Variants in CERS6 observed in about 807,000 individuals in gnomAD.
CERS6 encodes ceramide synthase 6.
Under a neutral mutation model 56.8 loss-of-function variants are expected in CERS6, and 26 were observed. The observed-to-expected ratio is 0.46, with a 90% CI of 0.34 to 0.63. The LOEUF is 0.63. Among genes scored for constraint, CERS6 ranks in the 30% least tolerant of loss-of-function variants. CERS6 has a pLI of 0.01. For missense variants in CERS6, 415 were observed against 467.5 expected, an observed-to-expected ratio of 0.89 and a Z score of 1.04; for synonymous variants, 164 against 173.3, an observed-to-expected ratio of 0.95 and a Z score of 0.42.
Position 168,770,598 on chromosome 2 carries a change from G to T in CERS6, c.*936G>T, listed in dbSNP as rs1430084034. 1 of 152,570 alleles carries T rather than the reference G, an allele frequency of 6.6e-6. No homozygotes were observed. Among genetic ancestry groups the T allele is most frequent in the Non-Finnish European group, 1.5e-5 (1 of 68,032 alleles). The allele number at this position is 152,570 out of a possible 1,614,324, so 9.5% of individuals were successfully genotyped here. Reference sequence around the variant, plus strand: ...GTGCAGTCTTATGTTATAAAAGAAAGAAGTTAACTATATTTGGGGACAAAA... The same window carrying T: ...GTGCAGTCTTATGTTATAAAAGAAATAAGTTAACTATATTTGGGGACAAAA... On this transcript the variant is annotated 3_prime_UTR_variant, in exon 10 of 10. Transcript: ENST00000305747.
intron 4 of CERS6, among the ~76,000 whole-genome samples, chr2:168,645,725 G>T (rs1157276748): frequency 6.6e-6 from 1 of 151,950 alleles, no homozygotes. Flanking sequence ...ACTGTCTGTT[G>T]TTTCCTTCCT....
At chr2:168,761,834 T>C (rs1684590091) in intron 8 of CERS6, among the ~76,000 whole-genome samples, 1 of 152,170 alleles carries the variant, frequency 6.6e-6, no homozygotes, top group Non-Finnish European at 1.5e-5. Context: ...AAGGCAGGAA[T>C]ATAGGCATTA....
At chr2:168,575,740 G>A (rs1011592988) in intron 3 of CERS6, among the ~76,000 whole-genome samples, 9 of 152,112 alleles carry the variant, frequency 5.9e-5, no homozygotes, top group Non-Finnish European at 8.8e-5. Context: ...AGAATTTTAT[G>A]AGAATTTATA....
intron 3 of CERS6, among the ~76,000 whole-genome samples, chr2:168,588,623 A>G (rs906361265): frequency 6.6e-6 from 1 of 152,166 alleles, no homozygotes; most frequent in African/African-American, 2.4e-5. Flanking sequence ...GTATGTATAT[A>G]CCACATTTTG....
intron 8 of CERS6, among the ~76,000 whole-genome samples, chr2:168,722,943 C>T (rs1683222536): frequency 6.6e-6 from 1 of 151,642 alleles, no homozygotes; most frequent in East Asian, 1.9e-4. Context: ...AATGCCTGGC[C>T]TTGCTGTTCC....
intron 4 of CERS6, among the ~76,000 whole-genome samples, chr2:168,667,169 G>T (rs941903529): frequency 5.3e-5 from 8 of 152,146 alleles, no homozygotes; most frequent in Admixed American, 3.3e-4. Context: ...GGGATTTTCT[G>T]TGTTTAACAG....
At chr2:168,547,857 C>G (rs974407810) in intron 2 of CERS6, among the ~76,000 whole-genome samples, 156 bp downstream of exon 2, 1 of 152,158 alleles carries the variant, frequency 6.6e-6, no homozygotes, top group East Asian at 1.9e-4. Context: ...GTAGTAGAAG[C>G]GGAATGAAGA....
At chr2:168,473,725 G>GA (rs1454953957) in intron 1 of CERS6, among the ~76,000 whole-genome samples, 1 of 151,034 alleles carries the variant, frequency 6.6e-6, no homozygotes, top group African/African-American at 2.4e-5. Flanking sequence ...CCCCATACAC[G>GA]AAAAAAATAA....
chr2:168,519,181 A>G (rs1414895252), intron 1 of CERS6, among the ~76,000 whole-genome samples: 1 of 152,194 alleles, frequency 6.6e-6, no homozygotes, highest in Non-Finnish European at 1.5e-5. Context: ...GCTGGTTGAT[A>G]TTCCTTAGAA....
intron 1 of CERS6, among the ~76,000 whole-genome samples, chr2:168,546,632 T>C (rs780801852): frequency 1.3e-5 from 2 of 152,208 alleles, no homozygotes; most frequent in Non-Finnish European, 2.9e-5. Context: ...TTATGGTCTG[T>C]TTTGCATATT....
At chr2:168,547,751 A>C in intron 2 of CERS6, 50 bp downstream of exon 2, 8 of 1,251,052 alleles carry the variant, frequency 6.4e-6, no homozygotes, top group Non-Finnish European at 8.2e-6. Context: ...CACCATTCTC[A>C]GCCTGCTGTC....
chr2:168,531,117 T>G (rs1032685152), intron 1 of CERS6, among the ~76,000 whole-genome samples: 3 of 152,174 alleles, frequency 2.0e-5, no homozygotes, highest in Admixed American at 6.5e-5. Context: ...CTGTTTATTC[T>G]GGAAGAGAGA....
chr2:168,550,959 A>G (rs1574059725), intron 2 of CERS6, among the ~76,000 whole-genome samples: 1 of 152,194 alleles, frequency 6.6e-6, no homozygotes, highest in African/African-American at 2.4e-5. Flanking sequence ...GGGATGAGGA[A>G]CTGGGCAACC....
chr2:168,536,019 AG>A (rs1011685054), intron 1 of CERS6, among the ~76,000 whole-genome samples: 1 of 152,076 alleles, frequency 6.6e-6, no homozygotes, highest in Non-Finnish European at 1.5e-5. Flanking sequence ...GTGAAAATCT[AG>A]GATGTAGAAG....
rs143858470 is a variant in CERS6, at chr2:168,752,415, T to C, written c.846-13177T>C. Among the ~76,000 whole-genome samples, 427 of 151,672 alleles carry C rather than the reference T, an allele frequency of 2.8e-3. 1 individual carries two copies. The highest frequency in any genetic ancestry group is 9.8e-3 in the African/African-American group (406 of 41,344). On this transcript the variant is annotated intron_variant, in intron 8 of 9. Coordinates refer to ENST00000305747, the MANE Select transcript of CERS6 (RefSeq NM_203463.3). ...CCATGCCTCAAGCCTTGCATGCAAA[T>C]TGAAAATTAAAGAGAGCAACATGGC...
intron 1 of CERS6, among the ~76,000 whole-genome samples, chr2:168,509,964 GTTTATCTC>G (rs1406383919): frequency 6.6e-6 from 1 of 152,018 alleles, no homozygotes; most frequent in Non-Finnish European, 1.5e-5. Flanking sequence ...TTTCCAAACT[GTTTATCTC>G]TTTATTTCCT....
chr2:168,766,487 C>A, intron 9 of CERS6: 1 of 758,522 alleles, frequency 1.3e-6, no homozygotes, highest in Admixed American at 2.0e-5. Flanking sequence ...AGCTGTAGCT[C>A]TGTGAACTGC....
At chr2:168,702,902 C>T (rs1355078087) in intron 6 of CERS6, among the ~76,000 whole-genome samples, 3 of 152,100 alleles carry the variant, frequency 2.0e-5, no homozygotes, top group African/African-American at 4.8e-5. Context: ...ATACTTCAAC[C>T]CAAACAACAT....
chr2:168,486,552 T>G (rs1229052579), intron 1 of CERS6, among the ~76,000 whole-genome samples: 6 of 151,484 alleles, frequency 4.0e-5, no homozygotes, highest in South Asian at 2.1e-4. Context: ...TATGGCTGTT[T>G]AATTGTTCCG....
Sources: gnomAD v4.1 joint callset for allele counts (sites outside exome capture counted in the v4.1 genomes callset) on GRCh38, gnomAD v4.1.1 for gene constraint, MANE v1.5 for transcripts, NCBI Gene and HGNC (gene_info 2026-07-23, HGNC 2026-07-21) for gene names.